Variants in RNF180 observed in about 807,000 individuals in gnomAD.
RNF180 encodes ring finger protein 180.
A neutral mutation model predicts 59.2 loss-of-function variants in RNF180; 38 were observed. That is an observed-to-expected ratio of 0.64 (90% CI 0.50 to 0.84). The LOEUF is 0.84. Ranked by LOEUF, RNF180 falls within the 40% of genes least tolerant of loss-of-function variation. RNF180 has a pLI of 0.00. For synonymous variants in RNF180, 262 were observed against 240.3 expected (o/e 1.09, Z -0.84); for missense variants, 705 against 700.9 (o/e 1.01, Z -0.07).
At chr5:64,316,528 T>G (rs1173560354) in intron 5 of RNF180, among the ~76,000 whole-genome samples, 1 of 152,200 alleles carries the variant, frequency 6.6e-6, no homozygotes, top group Non-Finnish European at 1.5e-5. Context: ...CGTACTATGG[T>G]GTTGTAATGC....
At chr5:64,261,910 C>T (rs1030266843) in intron 5 of RNF180, among the ~76,000 whole-genome samples, 10 of 152,066 alleles carry the variant, frequency 6.6e-5, no homozygotes, top group Non-Finnish European at 1.0e-4. Context: ...AGGTATACCT[C>T]GATTGGATTC....
At chr5:64,222,616 G>C (rs2112157417) in intron 5 of RNF180, among the ~76,000 whole-genome samples, 1 of 152,312 alleles carries the variant, frequency 6.6e-6, no homozygotes, top group Non-Finnish European at 1.5e-5. Flanking sequence ...TTGGGAGCTG[G>C]TCACATAGGT....
intron 1 of RNF180, among the ~76,000 whole-genome samples, chr5:64,183,518 T>A (rs978575250): frequency 6.0e-5 from 9 of 149,390 alleles, no homozygotes; most frequent in African/African-American, 2.2e-4. Flanking sequence ...CACTATCTTG[T>A]CTCACTGCAA....
chr5:64,217,631 G>A (rs1561197085), intron 5 of RNF180: 1 of 527,630 alleles, frequency 1.9e-6, no homozygotes, highest in Non-Finnish European at 2.8e-6. Flanking sequence ...TTTTACATTT[G>A]TATATATTCT....
At chr5:64,359,004 T>C (rs1235105529) in intron 7 of RNF180, among the ~76,000 whole-genome samples, 1 of 150,868 alleles carries the variant, frequency 6.6e-6, no homozygotes, top group Admixed American at 6.6e-5. Context: ...ATGGTGTATA[T>C]GTGCCACATT....
rs1360687739 is a variant in RNF180 at position 64,321,234 on chromosome 5, G to T, written c.1228-3952G>T. On this transcript the variant is annotated intron_variant, in intron 5 of 7. Coordinates refer to ENST00000389100, the MANE Select transcript of RNF180 (RefSeq NM_001113561.2). Reference sequence around the variant, plus strand: ...AGATAGGAAGAGAGGAAATCAAATTGTCGCTGTTGCAGATGACATGATTCT... The same window carrying T: ...AGATAGGAAGAGAGGAAATCAAATTTTCGCTGTTGCAGATGACATGATTCT... Among the ~76,000 whole-genome samples, 4 of 152,218 alleles carry T rather than the reference G, an allele frequency of 2.6e-5. No individual in the cohort carries two copies. The East Asian group carries it at 5.8e-4, about 22-fold the overall frequency.
chr5:64,178,194 C>T (rs1750361891), intron 1 of RNF180, among the ~76,000 whole-genome samples: 1 of 110,464 alleles, frequency 9.1e-6, no homozygotes, highest in Non-Finnish European at 1.8e-5. Context: ...CGGAGCTAGA[C>T]TCCATCTCAA....
At chr5:64,281,774 G>C (rs1014096721) in intron 5 of RNF180, among the ~76,000 whole-genome samples, 1 of 152,170 alleles carries the variant, frequency 6.6e-6, no homozygotes, top group African/African-American at 2.4e-5. Flanking sequence ...GGGATTACAG[G>C]TCTAAGCCAC....
chr5:64,312,712 G>C (rs1267727508), intron 5 of RNF180, among the ~76,000 whole-genome samples: 1 of 152,052 alleles, frequency 6.6e-6, no homozygotes, highest in African/African-American at 2.4e-5. Flanking sequence ...ACAGGAACAG[G>C]AGTAGGTGGT....
chr5:64,320,461 A>G (rs971659997), intron 5 of RNF180, among the ~76,000 whole-genome samples: 1 of 152,194 alleles, frequency 6.6e-6, no homozygotes, highest in African/African-American at 2.4e-5. Context: ...CTCAGCCTGT[A>G]TGCTTGCTTC....
chr5:64,213,486 A>T, intron 3 of RNF180, 72 bp from the exon 4 acceptor site: 1 of 1,450,608 alleles, frequency 6.9e-7, no homozygotes, highest in Non-Finnish European at 9.3e-7. Flanking sequence ...GGCTGGCTTT[A>T]AAGAAAAAAA....
At chr5:64,277,535 G>A (rs1470304104) in intron 5 of RNF180, among the ~76,000 whole-genome samples, 2 of 152,076 alleles carry the variant, frequency 1.3e-5, no homozygotes, top group African/African-American at 4.8e-5. Flanking sequence ...TAGGGGCTGG[G>A]CAGGTGGGAT....
intron 1 of RNF180, among the ~76,000 whole-genome samples, chr5:64,177,631 G>A (rs1203712714): frequency 6.7e-6 from 1 of 148,326 alleles, no homozygotes; most frequent in Admixed American, 6.8e-5. Context: ...GTATATGTCA[G>A]CTTATAAGGT....
chr5:64,305,568 CTATTTTTTATT>C (rs1230749697), intron 5 of RNF180, among the ~76,000 whole-genome samples: 1 of 151,264 alleles, frequency 6.6e-6, no homozygotes, highest in African/African-American at 2.4e-5. Context: ...TGTATGAGTT[CTATTTTTTATT>C]TATATCTTTC....
chr5:64,352,421 T>C (rs1745853373), intron 7 of RNF180, among the ~76,000 whole-genome samples: 1 of 152,170 alleles, frequency 6.6e-6, no homozygotes, highest in Admixed American at 6.6e-5. Flanking sequence ...GCTCTCATCT[T>C]AGTTATTTCT....
chr5:64,341,607 T>TTAAG (rs1270336907), intron 7 of RNF180, among the ~76,000 whole-genome samples: 2 of 152,116 alleles, frequency 1.3e-5, no homozygotes, highest in Non-Finnish European at 2.9e-5. Flanking sequence ...TATGTAGGCC[T>TTAAG]TAAGTGAGAT....
At chr5:64,177,754 G>A (rs1427710925) in intron 1 of RNF180, among the ~76,000 whole-genome samples, 3 of 151,844 alleles carry the variant, frequency 2.0e-5, no homozygotes, top group Admixed American at 2.0e-4. Context: ...AGGTAACTGA[G>A]ATGAGTTTAA....
chr5:64,328,880 G>C (rs1744769554), intron 6 of RNF180, among the ~76,000 whole-genome samples: 1 of 152,292 alleles, frequency 6.6e-6, no homozygotes, highest in East Asian at 1.9e-4. Context: ...AGTAAGAGGG[G>C]ATGGTTGATG....
At chr5:64,274,233 A>G (rs1741589402) in intron 5 of RNF180, among the ~76,000 whole-genome samples, 1 of 151,794 alleles carries the variant, frequency 6.6e-6, no homozygotes, top group Non-Finnish European at 1.5e-5. Context: ...CCAGCTTTTC[A>G]TATGTAAAAT....
Sources: gnomAD v4.1 joint callset for allele counts (sites outside exome capture counted in the v4.1 genomes callset) on GRCh38, gnomAD v4.1.1 for gene constraint, MANE v1.5 for transcripts, NCBI Gene and HGNC (gene_info 2026-07-23, HGNC 2026-07-21) for gene names.